The following COP1 variants were observed in gnomAD, a reference collection of about 807,000 sequenced individuals.
The protein encoded by COP1 is E3 ubiquitin-protein ligase COP1.
COP1 carries 24 observed loss-of-function variants against 101.3 expected under a neutral mutation model. The ratio of observed to expected loss-of-function variants is 0.24; its 90% CI spans 0.17 to 0.33. The LOEUF is 0.33. COP1 is among the 10% of genes least tolerant of loss of function. The probability of loss-of-function intolerance (pLI) is 1.00; values close to 1 mark genes in which losing one functional copy is unlikely to be tolerated. For missense variants in COP1, 663 were observed against 906.2 expected, an observed-to-expected ratio of 0.73 and a Z score of 3.45; for synonymous variants, 347 against 341.9, an observed-to-expected ratio of 1.01 and a Z score of -0.17.
chr1:175,980,986 C>A (rs1655708169), intron 18 of COP1, among the ~76,000 whole-genome samples: 1 of 152,102 alleles, frequency 6.6e-6, no homozygotes, highest in Admixed American at 6.5e-5. Flanking sequence ...CTTCATATTT[C>A]ATTCCAATAG....
intron 6 of COP1, among the ~76,000 whole-genome samples, chr1:176,143,213 AACTT>A (rs747155706): frequency 6.6e-6 from 1 of 152,072 alleles, no homozygotes; most frequent in South Asian, 2.1e-4. Flanking sequence ...TGACATTAAA[AACTT>A]AAGACTCTAT....
intron 2 of COP1, among the ~76,000 whole-genome samples, chr1:176,184,314 A>C (rs957527635): frequency 2.0e-5 from 3 of 152,166 alleles, no homozygotes; most frequent in African/African-American, 7.2e-5. Context: ...CAAGTGAGTA[A>C]TTAGTGCTTC....
At chr1:176,206,548 G>A in intron 1 of COP1, 24 bp downstream of exon 1, 2 of 1,598,558 alleles carry the variant, frequency 1.3e-6, no homozygotes, top group Non-Finnish European at 1.7e-6. Context: ...TTAGGGACAA[G>A]GAGGGAGTGC....
chr1:176,205,247 A>C (rs1000406476), intron 1 of COP1, among the ~76,000 whole-genome samples: 1 of 152,184 alleles, frequency 6.6e-6, no homozygotes. Context: ...TAGAAGTGCA[A>C]ACACTTCTCA....
intron 11 of COP1, among the ~76,000 whole-genome samples, chr1:176,076,492 T>C (rs560475010): frequency 2.6e-5 from 4 of 152,162 alleles, no homozygotes; most frequent in Non-Finnish European, 5.9e-5. Context: ...GGAAAATTTA[T>C]AGCACTAAAA....
chr1:176,187,759 C>A (rs1355977187), intron 1 of COP1, among the ~76,000 whole-genome samples: 1 of 152,102 alleles, frequency 6.6e-6, no homozygotes, highest in Non-Finnish European at 1.5e-5. Context: ...CAATACAATG[C>A]CTGGCACACA....
rs559044260 is a variant in COP1, at chr1:176,183,064, T to C, written c.467+1569A>G. 1.4e-4 allele frequency among the ~76,000 whole-genome samples: 22 copies of C among 152,348 alleles called. No homozygotes were observed. The South Asian group carries it at 4.3e-3, about 30-fold the overall frequency. ...ATATACATTGCTGTTATCATTTTAATACTTTATTTTATAAGAAAGAATATA... is the reference window on the plus strand; with the variant it reads ...ATATACATTGCTGTTATCATTTTAACACTTTATTTTATAAGAAAGAATATA... On this transcript the variant is annotated intron_variant, in intron 2 of 19. Transcript: ENST00000367669.
chr1:175,982,182 A>C (rs952288599), intron 18 of COP1, among the ~76,000 whole-genome samples: 2 of 152,218 alleles, frequency 1.3e-5, no homozygotes, highest in Non-Finnish European at 2.9e-5. Flanking sequence ...ATTGAATCCC[A>C]CTTCAATTTC....
intron 8 of COP1, among the ~76,000 whole-genome samples, chr1:176,131,031 C>T (rs1688800741): frequency 6.6e-6 from 1 of 151,756 alleles, no homozygotes. Flanking sequence ...TACTTAACAG[C>T]TGAATCCAGG....
intron 15 of COP1, among the ~76,000 whole-genome samples, chr1:176,001,177 G>A (rs905871058): frequency 6.6e-6 from 1 of 152,022 alleles, no homozygotes; most frequent in African/African-American, 2.4e-5. Context: ...GATTTTTACT[G>A]TGAAAATAAA....
At chr1:176,131,441 T>C (rs1688877431) in intron 8 of COP1, among the ~76,000 whole-genome samples, 1 of 151,742 alleles carries the variant, frequency 6.6e-6, no homozygotes, top group Non-Finnish European at 1.5e-5. Flanking sequence ...TTCATTTAAA[T>C]ACATAATCTA....
At chr1:175,999,869 C>A (rs761887116) in intron 15 of COP1, among the ~76,000 whole-genome samples, 27 of 152,080 alleles carry the variant, frequency 1.8e-4, no homozygotes, top group Non-Finnish European at 3.1e-4. Context: ...TGATGTTGAG[C>A]ACTTTTACAT....
intron 9 of COP1, among the ~76,000 whole-genome samples, chr1:176,087,634 G>A (rs1680466293): frequency 5.3e-5 from 8 of 152,196 alleles, no homozygotes; most frequent in Admixed American, 5.2e-4. Flanking sequence ...TGAAGAAACA[G>A]GAACGCTTTT....
At chr1:176,184,102 A>C (rs1412888846) in intron 2 of COP1, among the ~76,000 whole-genome samples, 1 of 152,138 alleles carries the variant, frequency 6.6e-6, no homozygotes, top group Non-Finnish European at 1.5e-5. Context: ...ACCAGAAAAA[A>C]ATATATAAAA....
At chr1:176,117,561 T>C (rs1191612092) in intron 8 of COP1, among the ~76,000 whole-genome samples, 1 of 152,214 alleles carries the variant, frequency 6.6e-6, no homozygotes, top group Non-Finnish European at 1.5e-5. Context: ...GTATAAACGA[T>C]TATTTACTTT....
chr1:176,014,700 C>T (rs906898447), intron 15 of COP1, among the ~76,000 whole-genome samples: 7 of 151,754 alleles, frequency 4.6e-5, no homozygotes, highest in Middle Eastern at 6.8e-3. Context: ...CTTTGTATTC[C>T]GAAAACTTTT....
At chr1:175,972,431 C>T (rs552662847) in intron 18 of COP1, among the ~76,000 whole-genome samples, 28 of 151,542 alleles carry the variant, frequency 1.8e-4, no homozygotes, top group Admixed American at 1.8e-3. Flanking sequence ...CATCTGAGGC[C>T]CAGAGAGCAG....
At chr1:176,201,416 C>G (rs1371621490) in intron 1 of COP1, among the ~76,000 whole-genome samples, 1 of 152,000 alleles carries the variant, frequency 6.6e-6, no homozygotes, top group East Asian at 1.9e-4. Context: ...AAAAAACATA[C>G]ACATACAAGA....
intron 14 of COP1, 121 bp downstream of exon 14, chr1:176,043,065 A>G (rs1670913464): frequency 1.5e-6 from 1 of 669,768 alleles, no homozygotes; most frequent in African/African-American, 1.8e-5. Flanking sequence ...AATAATAATA[A>G]TCAGTAATCA....
Sources: gnomAD v4.1 joint callset for allele counts (sites outside exome capture counted in the v4.1 genomes callset) on GRCh38, gnomAD v4.1.1 for gene constraint, MANE v1.5 for transcripts, NCBI Gene and HGNC (gene_info 2026-07-23, HGNC 2026-07-21) for gene names.